CNBD1: variants seen among roughly 807,000 people sequenced by gnomAD.
The protein encoded by CNBD1 is cyclic nucleotide binding domain containing 1.
A neutral mutation model predicts 54.4 loss-of-function variants in CNBD1; 71 were observed. The ratio of observed to expected loss-of-function variants is 1.30; its 90% confidence interval spans 1.08 to 1.59. The LOEUF (loss-of-function observed/expected upper bound fraction) is 1.59, where lower values mean the gene tolerates loss of function less well. CNBD1 is among the 40% of genes most tolerant of loss of function. The pLI is 0.00. For synonymous variants in CNBD1, 182 were observed against 170.7 expected (o/e 1.07, Z -0.51); for missense variants, 659 against 518.0 (o/e 1.27, Z -2.64).
chr8:87,065,708 G>A (rs1810634337), intron 4 of CNBD1, among the ~76,000 whole-genome samples: 1 of 151,882 alleles, frequency 6.6e-6, no homozygotes, highest in Admixed American at 6.6e-5. Context: ...GGCATTATTA[G>A]CCCTCTAATG....
chr8:87,114,899 C>T (rs569677147), intron 4 of CNBD1, among the ~76,000 whole-genome samples: 12 of 152,124 alleles, frequency 7.9e-5, no homozygotes, highest in Non-Finnish European at 1.5e-4. Context: ...TTAACTACTT[C>T]CCTTTAGGAG....
rs141238893 is a variant in CNBD1 at position 87,012,538 on chromosome 8, A to T, written c.431+72784A>T. Among the ~76,000 whole-genome samples, 68 of 152,134 alleles carry T rather than the reference A, an allele frequency of 4.5e-4. No individual in the cohort carries two copies. In the East Asian group the frequency reaches 0.013, roughly 29 times the overall value. On this transcript the variant is annotated intron_variant, in intron 4 of 10. Coordinates refer to ENST00000518476, the MANE Select transcript of CNBD1 (RefSeq NM_173538.3). The stretch of plus-strand genomic sequence containing the variant: ...ATCCACATTCTATAGAGAAACCCCT[A>T]CCCCTTTTGTTTTCCGGCCTTCCTT...
intron 4 of CNBD1, among the ~76,000 whole-genome samples, chr8:86,999,115 G>C (rs778477405): frequency 6.6e-6 from 1 of 152,148 alleles, no homozygotes; most frequent in Non-Finnish European, 1.5e-5. Flanking sequence ...GTCAGCTTTC[G>C]GAAGAGTGAC....
intron 4 of CNBD1, among the ~76,000 whole-genome samples, chr8:87,202,576 G>A (rs550741403): frequency 7.2e-5 from 11 of 152,232 alleles, no homozygotes; most frequent in Non-Finnish European, 1.2e-4. Context: ...CCCCATGAGC[G>A]TATGCACCAA....
At chr8:87,207,938 A>C (rs748833560) in intron 5 of CNBD1, among the ~76,000 whole-genome samples, 8 of 152,190 alleles carry the variant, frequency 5.3e-5, no homozygotes, top group Non-Finnish European at 1.2e-4. Flanking sequence ...CTGTTTCACT[A>C]CCAAAGAAGT....
intron 2 of CNBD1, among the ~76,000 whole-genome samples, chr8:87,414,655 C>T (rs1211345101): frequency 6.6e-6 from 1 of 151,970 alleles, no homozygotes; most frequent in Non-Finnish European, 1.5e-5. Context: ...TCTTCTTGTA[C>T]TATTACCACA....
intron 4 of CNBD1, among the ~76,000 whole-genome samples, chr8:86,961,353 G>C (rs1451013233): frequency 6.6e-6 from 1 of 152,174 alleles, no homozygotes; most frequent in African/African-American, 2.4e-5. Flanking sequence ...AAGAACACTG[G>C]GGCCAAACAG....
At chr8:87,211,518 GT>G (rs2130801673) in intron 5 of CNBD1, among the ~76,000 whole-genome samples, 1 of 152,256 alleles carries the variant, frequency 6.6e-6, no homozygotes, top group Non-Finnish European at 1.5e-5. Flanking sequence ...AAGGTTTCTG[GT>G]TCTTGGGGGT....
intron 4 of CNBD1, among the ~76,000 whole-genome samples, chr8:87,100,908 G>C (rs949575452): frequency 6.6e-6 from 1 of 152,160 alleles, no homozygotes; most frequent in Non-Finnish European, 1.5e-5. Context: ...CAAAATCCTT[G>C]TCTTCCTATT....
intron 4 of CNBD1, among the ~76,000 whole-genome samples, chr8:87,107,645 T>G (rs1332065079): frequency 6.6e-6 from 1 of 152,252 alleles, no homozygotes; most frequent in East Asian, 1.9e-4. Context: ...CCCTATTACC[T>G]AATTTAGTGC....
chr8:87,330,243 T>G (rs1364939255), intron 8 of CNBD1, among the ~76,000 whole-genome samples: 1 of 151,510 alleles, frequency 6.6e-6, no homozygotes, highest in Non-Finnish European at 1.5e-5. Flanking sequence ...TTTTTTTTTT[T>G]TCAGTTAGCC....
chr8:86,869,485 A>G (rs77844055), intron 1 of CNBD1, among the ~76,000 whole-genome samples: 3,218 of 152,312 alleles, frequency 0.021, 108 homozygotes, highest in African/African-American at 0.074. Context: ...CTCCACTGCT[A>G]TCTTGTTGAC....
intron 8 of CNBD1, among the ~76,000 whole-genome samples, chr8:87,314,522 C>T (rs1260049114): frequency 2.0e-5 from 3 of 151,772 alleles, no homozygotes; most frequent in Non-Finnish European, 4.4e-5. Context: ...CAGTAAACAC[C>T]AGAACCATTG....
intron 4 of CNBD1, among the ~76,000 whole-genome samples, chr8:86,960,126 A>G (rs752766311): frequency 1.3e-4 from 20 of 152,214 alleles, no homozygotes; most frequent in Middle Eastern, 3.4e-3. Context: ...GGTTCATCTC[A>G]CTGGAGCTTG....
intron 4 of CNBD1, among the ~76,000 whole-genome samples, chr8:87,025,305 C>T (rs1017622020): frequency 6.6e-6 from 1 of 152,180 alleles, no homozygotes; most frequent in African/African-American, 2.4e-5. Flanking sequence ...CTGGGGCAAC[C>T]TGGGTCCCCT....
intron 2 of CNBD1, among the ~76,000 whole-genome samples, chr8:87,425,357 G>A (rs1808026771): frequency 6.6e-6 from 1 of 152,150 alleles, no homozygotes; most frequent in Non-Finnish European, 1.5e-5. Flanking sequence ...TTCCGTTGCT[G>A]GTGAGGAGCT....
intron 5 of CNBD1, among the ~76,000 whole-genome samples, chr8:87,224,346 G>A (rs1163113926): frequency 1.3e-5 from 2 of 150,776 alleles, no homozygotes; most frequent in African/African-American, 2.5e-5. Flanking sequence ...GTAATGCCTA[G>A]GTTTTCTTCT....
chr8:87,274,049 C>T (rs1185122473), intron 6 of CNBD1, among the ~76,000 whole-genome samples: 2 of 151,682 alleles, frequency 1.3e-5, no homozygotes, highest in Admixed American at 6.6e-5. Flanking sequence ...CGATAGTTTA[C>T]TGAGAATGAT....
chr8:87,317,636 G>A (rs1040237290), intron 8 of CNBD1, among the ~76,000 whole-genome samples: 7 of 151,690 alleles, frequency 4.6e-5, no homozygotes, highest in African/African-American at 1.7e-4. Context: ...ATTGCCTTAA[G>A]TTTATTTAGA....
Sources: gnomAD v4.1 joint callset for allele counts (sites outside exome capture counted in the v4.1 genomes callset) on GRCh38, gnomAD v4.1.1 for gene constraint, MANE v1.5 for transcripts, NCBI Gene and HGNC (gene_info 2026-07-23, HGNC 2026-07-21) for gene names.